Variants in FBXL2 observed in about 807,000 individuals in gnomAD.
FBXL2 encodes the protein F-box and leucine rich repeat protein 2, also known as F-box/LRR-repeat protein 2.
A neutral mutation model predicts 69.2 loss-of-function variants in FBXL2; 38 were observed. The ratio of observed to expected loss-of-function variants is 0.55; its 90% CI spans 0.42 to 0.72. FBXL2 has a LOEUF of 0.72. Among genes scored for constraint, FBXL2 ranks in the 30% least tolerant of loss-of-function variants. The pLI is 0.00. For missense variants in FBXL2, 354 were observed against 520.3 expected (o/e 0.68, Z 3.11); for synonymous variants, 192 against 201.3 (o/e 0.95, Z 0.39).
chr3:33,323,690 T>C (rs1420131655), intron 2 of FBXL2, among the ~76,000 whole-genome samples: 2 of 152,244 alleles, frequency 1.3e-5, no homozygotes, highest in Admixed American at 1.3e-4. Context: ...TACCACATTT[T>C]CTTTATCCAG....
intron 1 of FBXL2, among the ~76,000 whole-genome samples, chr3:33,283,836 A>T (rs2034310099): frequency 6.6e-6 from 1 of 152,174 alleles, no homozygotes; most frequent in Non-Finnish European, 1.5e-5. Context: ...TTATTTGCAT[A>T]GAGGTGTTTA....
intron 2 of FBXL2, among the ~76,000 whole-genome samples, chr3:33,337,844 A>G (rs1201995337): frequency 6.6e-6 from 1 of 152,226 alleles, no homozygotes; most frequent in Non-Finnish European, 1.5e-5. Context: ...GAGCCAAATC[A>G]AGAACGCAAT....
At chr3:33,342,281 A>G (rs570291335) in intron 2 of FBXL2, among the ~76,000 whole-genome samples, 94 of 151,796 alleles carry the variant, frequency 6.2e-4, no homozygotes, top group African/African-American at 2.1e-3. Context: ...CTGGGATTAC[A>G]GGTATAAGCC....
chr3:33,403,558 CTG>C (rs2044319163), exon 13 of FBXL2: 1 of 144,360 alleles, frequency 6.9e-6, no homozygotes, highest in Non-Finnish European at 1.5e-5. Flanking sequence ...GTCTGTCTGT[CTG>C]TCTGTCTGTC....
chr3:33,345,137 T>C (rs1168065985), intron 2 of FBXL2, among the ~76,000 whole-genome samples: 1 of 152,250 alleles, frequency 6.6e-6, no homozygotes, highest in Non-Finnish European at 1.5e-5. Flanking sequence ...AAAACAACAG[T>C]TCTGGAGATC....
At chr3:33,365,735 AAACAAACAAACAAACAAACC>A (rs1181943860) in intron 5 of FBXL2, among the ~76,000 whole-genome samples, 3 of 133,010 alleles carry the variant, frequency 2.3e-5, no homozygotes, top group Non-Finnish European at 3.2e-5. Flanking sequence ...ACAAACAAAC[AAACAAACAAACAAACAAACC>A]AACAACAATT....
chr3:33,336,931 G>A (rs1021104882), intron 2 of FBXL2, among the ~76,000 whole-genome samples: 7 of 151,534 alleles, frequency 4.6e-5, no homozygotes, highest in African/African-American at 1.5e-4. Flanking sequence ...TTGGCCTGGC[G>A]CAGTGGCTCA....
At chr3:33,397,099 A>T in intron 12 of FBXL2, 1 of 1,602,670 alleles carries the variant, frequency 6.2e-7, no homozygotes, top group Non-Finnish European at 8.5e-7. Context: ...ACAAATTTGA[A>T]CTAAATCCTC....
intron 2 of FBXL2, among the ~76,000 whole-genome samples, chr3:33,355,664 A>T (rs1398936755): frequency 6.6e-6 from 1 of 152,224 alleles, no homozygotes; most frequent in Non-Finnish European, 1.5e-5. Context: ...AAAGTCCAAA[A>T]GTATATCCAA....
chr3:33,328,795 G>T (rs1460971837), intron 2 of FBXL2, among the ~76,000 whole-genome samples: 1 of 131,240 alleles, frequency 7.6e-6, no homozygotes, highest in African/African-American at 3.1e-5. Flanking sequence ...AAATTTGTGT[G>T]TGTGCATGTG....
At chr3:33,317,350 C>A (rs1336443682) in intron 2 of FBXL2, 2 of 405,780 alleles carry the variant, frequency 4.9e-6, no homozygotes, top group African/African-American at 2.1e-5. Flanking sequence ...AAATCCCATT[C>A]ATTCACTGCA....
chr3:33,345,769 AAAC>A (rs1415993642), intron 2 of FBXL2, among the ~76,000 whole-genome samples: 1 of 152,240 alleles, frequency 6.6e-6, no homozygotes, highest in Non-Finnish European at 1.5e-5. Flanking sequence ...TTTGGAGATT[AAAC>A]AACACATTTC....
intron 12 of FBXL2, among the ~76,000 whole-genome samples, chr3:33,394,001 TA>T (rs1199409621): frequency 6.6e-6 from 1 of 151,854 alleles, no homozygotes; most frequent in Non-Finnish European, 1.5e-5. Flanking sequence ...AAAAGAACCC[TA>T]AAAGAGTCAT....
chr3:33,323,819 C>G (rs1224619055), intron 2 of FBXL2, among the ~76,000 whole-genome samples: 1 of 152,094 alleles, frequency 6.6e-6, no homozygotes, highest in African/African-American at 2.4e-5. Context: ...TGGGTATATA[C>G]CAAGTAATGG....
At chr3:33,393,165 A>G in intron 12 of FBXL2, 2 of 895,520 alleles carry the variant, frequency 2.2e-6, no homozygotes, top group Non-Finnish European at 3.2e-6. Context: ...TCTTGGTTAT[A>G]AGTTCTTCCA....
At chr3:33,412,632 C>A in the FBXL2 span, 1 of 852,638 alleles carries the variant, frequency 1.2e-6, no homozygotes, top group South Asian at 1.6e-5. Flanking sequence ...ACTTTCCCCA[C>A]ACAAGTAATT....
At chr3:33,404,903 T>TA (rs2044376148), downstream of FBXL2, among the ~76,000 whole-genome samples, 1 of 152,184 alleles carries the variant, frequency 6.6e-6, no homozygotes, top group South Asian at 2.1e-4. Flanking sequence ...TTCTAGAAGT[T>TA]ATATTCTATC....
intron 2 of FBXL2, among the ~76,000 whole-genome samples, chr3:33,328,866 A>G (rs1345855970): frequency 6.6e-6 from 1 of 151,952 alleles, no homozygotes; most frequent in Non-Finnish European, 1.5e-5. Flanking sequence ...AACCAAAGCA[A>G]AAATAGACAA....
intron 5 of FBXL2, chr3:33,372,595 AAT>A (rs2042367177): frequency 6.0e-6 from 1 of 167,136 alleles, no homozygotes; most frequent in South Asian, 1.6e-4. Flanking sequence ...TCACCAGTAA[AAT>A]GAGTGGGTCT....
Sources: gnomAD v4.1 joint callset for allele counts (sites outside exome capture counted in the v4.1 genomes callset) on GRCh38, gnomAD v4.1.1 for gene constraint, MANE v1.5 for transcripts, NCBI Gene and HGNC (gene_info 2026-07-23, HGNC 2026-07-21) for gene names.